The following CDC25A variants were observed in gnomAD, a reference collection of about 807,000 sequenced individuals.
The protein encoded by CDC25A is cell division cycle 25A, also known as M-phase inducer phosphatase 1.
CDC25A carries 17 observed loss-of-function variants against 64.6 expected under a neutral mutation model. The ratio of observed to expected loss-of-function variants is 0.26; its 90% CI spans 0.18 to 0.39. CDC25A has a LOEUF of 0.39. Among genes scored for constraint, CDC25A ranks in the 10% least tolerant of loss-of-function variants. The probability of loss-of-function intolerance (pLI) is 1.00; values close to 1 mark genes in which losing one functional copy is unlikely to be tolerated. For synonymous variants in CDC25A, 229 were observed against 238.6 expected (o/e 0.96, Z 0.37); for missense variants, 473 against 654.8 (o/e 0.72, Z 3.03).
chr3:48,164,969 G>A (rs1363645842), intron 12 of CDC25A, among the ~76,000 whole-genome samples: 1 of 151,316 alleles, frequency 6.6e-6, no homozygotes, highest in African/African-American at 2.4e-5. Flanking sequence ...AATTAGCCGG[G>A]CGTGGCAGCG....
chr3:48,167,385 G>C (rs553165603), intron 10 of CDC25A, among the ~76,000 whole-genome samples: 1 of 152,284 alleles, frequency 6.6e-6, no homozygotes, highest in African/African-American at 2.4e-5. Context: ...GCTATTAGAA[G>C]ATCTTCCTCT....
chr3:48,163,544 C>T (rs2031878492), intron 13 of CDC25A, among the ~76,000 whole-genome samples: 1 of 151,606 alleles, frequency 6.6e-6, no homozygotes, highest in Non-Finnish European at 1.5e-5. Context: ...GCAGAGGTTG[C>T]AGTGAGAAGA....
chr3:48,169,343 C>A (rs2032179471), intron 9 of CDC25A, among the ~76,000 whole-genome samples: 1 of 152,220 alleles, frequency 6.6e-6, no homozygotes, highest in Admixed American at 6.5e-5. Flanking sequence ...GGCTGCCTGG[C>A]ACATTATACT....
At chr3:48,163,411 C>G (rs2031871982) in intron 13 of CDC25A, among the ~76,000 whole-genome samples, 1 of 151,824 alleles carries the variant, frequency 6.6e-6, no homozygotes, top group South Asian at 2.1e-4. Flanking sequence ...TCAAGACCAG[C>G]CTGACCAACA....
chr3:48,185,720 A>G (rs1183876124), intron 2 of CDC25A, among the ~76,000 whole-genome samples: 1 of 152,170 alleles, frequency 6.6e-6, no homozygotes, highest in Non-Finnish European at 1.5e-5. Flanking sequence ...CATCTCACAA[A>G]AGGCAGCAGG....
chr3:48,166,289 C>T (rs1403943832), intron 10 of CDC25A, among the ~76,000 whole-genome samples: 1 of 152,038 alleles, frequency 6.6e-6, no homozygotes, highest in East Asian at 1.9e-4. Context: ...TCTCAAAAAA[C>T]AAACAAACAA....
chr3:48,184,743 T>C (rs2032789790), intron 2 of CDC25A, 48 bp from the exon 3 acceptor site: 4 of 1,382,734 alleles, frequency 2.9e-6, no homozygotes, highest in Non-Finnish European at 4.0e-6. Context: ...AAAAACACCA[T>C]TTTGTCATTA....
chr3:48,173,824 C>T (rs2032357407), intron 9 of CDC25A, among the ~76,000 whole-genome samples: 2 of 152,204 alleles, frequency 1.3e-5, no homozygotes, highest in African/African-American at 4.8e-5. Flanking sequence ...AATCACCGGT[C>T]ATACCAAGAA....
chr3:48,186,687 C>G lies in CDC25A; in HGVS notation c.247+16G>C. On this transcript the variant is annotated intron_variant, in intron 2 of 14. Coordinates refer to ENST00000302506, the MANE Select transcript of CDC25A (RefSeq NM_001789.3). The stretch of plus-strand genomic sequence containing the variant: ...GAAATTCAGAGTATTGCTCCCCACA[C>G]AGCAGACTTAAATACCTGAATCTGT... 6.5e-7 allele frequency: 1 copy of G among 1,536,094 alleles called. No individual in the cohort carries two copies. Among genetic ancestry groups the G allele is most frequent in the Non-Finnish European group, 9.0e-7 (1 of 1,114,448 alleles).
At chr3:48,177,164 C>G (rs2032495126) in intron 8 of CDC25A, among the ~76,000 whole-genome samples, 1 of 152,124 alleles carries the variant, frequency 6.6e-6, no homozygotes. Flanking sequence ...ATGGTCCCTC[C>G]TAACCCACAC....
chr3:48,184,759 A>C, intron 2 of CDC25A, 64 bp from the exon 3 acceptor site: 1 of 1,212,952 alleles, frequency 8.2e-7, no homozygotes, highest in Non-Finnish European at 1.2e-6. Flanking sequence ...CATTAAAATT[A>C]AAACACTAAA....
Position 48,158,798 on chromosome 3 carries a change from T to G in CDC25A, c.*147A>C. On this transcript the variant is annotated 3_prime_UTR_variant, in exon 15 of 15. Transcript: ENST00000302506. Reference sequence around the variant, plus strand: ...ATGCCCTGGGCTCCAACCTTGGGAGTGTGGGAGGTAGGTTTAAGGCATGGA... The same window carrying G: ...ATGCCCTGGGCTCCAACCTTGGGAGGGTGGGAGGTAGGTTTAAGGCATGGA... 1.1e-6 allele frequency: 1 copy of G among 921,562 alleles called. No individual in the cohort carries two copies. 57.1% of individuals were successfully genotyped at this position (921,562 alleles called of 1,614,324 possible).
intron 3 of CDC25A, 134 bp from the exon 4 acceptor site, chr3:48,183,970 A>G: frequency 1.8e-6 from 1 of 552,378 alleles, no homozygotes; most frequent in Non-Finnish European, 3.3e-6. Flanking sequence ...AGATGGGAGA[A>G]TAAATTTCTG....
chr3:48,171,337 G>A (rs1162231245), intron 9 of CDC25A, among the ~76,000 whole-genome samples: 1 of 151,562 alleles, frequency 6.6e-6, no homozygotes, highest in Non-Finnish European at 1.5e-5. Context: ...TCCTGCCACT[G>A]CACTCCAGCG....
chr3:48,179,779 A>G (rs970301352), intron 6 of CDC25A, among the ~76,000 whole-genome samples: 2 of 152,234 alleles, frequency 1.3e-5, no homozygotes, highest in Non-Finnish European at 2.9e-5. Context: ...ACTTCACAAG[A>G]CAAGAACATA....
intron 13 of CDC25A, among the ~76,000 whole-genome samples, chr3:48,159,831 T>C (rs2031672816): frequency 6.6e-6 from 1 of 152,186 alleles, no homozygotes; most frequent in Admixed American, 6.5e-5. Context: ...ATAAGTGGGC[T>C]TGTTTCTTTC....
intron 9 of CDC25A, among the ~76,000 whole-genome samples, chr3:48,169,895 G>A (rs1352324199): frequency 6.6e-6 from 1 of 151,928 alleles, no homozygotes; most frequent in East Asian, 1.9e-4. Flanking sequence ...TGTAGTCCCA[G>A]CTACTTGGGA....
At chr3:48,159,529 C>G in intron 13 of CDC25A, 74 bp from the exon 14 acceptor site, 1 of 966,466 alleles carries the variant, frequency 1.0e-6, no homozygotes. Flanking sequence ...GTCAAAGCAG[C>G]AGTTGTGGTC....
In CDC25A at chr3:48,187,916, C is replaced by A; in HGVS notation, c.32G>T (p.Arg11Leu). The change falls in exon 1 of 15, where the codon CGC becomes CTC. Residue 11 changes from arginine (R) to leucine (L), a missense_variant. Transcript: ENST00000302506. MELGPEPPHR[R>L]RLLFACSPPP... ...GGGGCTGCAGGCGAAGAGCAGGCGG[C>A]GGCGGTGCGGGGGCTCCGGGCCCAG... The A allele has an allele frequency of 6.5e-7, 1 of 1,534,694 alleles. No homozygotes were observed.
Sources: gnomAD v4.1 joint callset for allele counts (sites outside exome capture counted in the v4.1 genomes callset) on GRCh38, gnomAD v4.1.1 for gene constraint, MANE v1.5 for transcripts, NCBI Gene and HGNC (gene_info 2026-07-23, HGNC 2026-07-21) for gene names.